Variants in ATP2B4 observed in about 807,000 individuals in gnomAD.
The protein encoded by ATP2B4 is ATPase plasma membrane Ca2+ transporting 4.
Under a neutral mutation model 110.3 loss-of-function variants are expected in ATP2B4, and 39 were observed. That is an observed-to-expected ratio of 0.35 (90% CI 0.27 to 0.46). The LOEUF (loss-of-function observed/expected upper bound fraction) is 0.46. ATP2B4 is among the 20% of genes least tolerant of loss of function. The probability of loss-of-function intolerance (pLI) is 1.00; values close to 1 mark genes in which losing one functional copy is unlikely to be tolerated. For missense variants in ATP2B4, 1,135 were observed against 1,530.9 expected (o/e 0.74, Z 4.32); for synonymous variants, 538 against 571.7 (o/e 0.94, Z 0.84).
chr1:203,714,122 G>A lies in ATP2B4; in HGVS notation c.2300-49G>A, dbSNP rs1461231715. 1.9e-6 allele frequency: 3 copies of A among 1,549,016 alleles called. No homozygotes were observed. In the South Asian group the frequency reaches 3.4e-5, roughly 17 times the overall value. On this transcript the variant is annotated intron_variant, in intron 14 of 20. Transcript: ENST00000357681. ...GGAGTGGCGGGTGGTAGGAACTGAA[G>A]GGTGGGGGAGACCAGAAAAGCTCAC...
In ATP2B4 at chr1:203,705,165, C is replaced by T. The variant is rs192748038; in HGVS notation, c.1099+1352C>T. 7.9e-5 allele frequency among the ~76,000 whole-genome samples: 12 copies of T among 152,352 alleles called. No individual in the cohort carries two copies. The East Asian group carries it at 2.3e-3, about 29-fold the overall frequency. On this transcript the variant is annotated intron_variant, in intron 8 of 20. Coordinates refer to ENST00000357681, the MANE Select transcript of ATP2B4 (RefSeq NM_001684.5). The stretch of plus-strand genomic sequence containing the variant: ...TAGTAGTGGCTGTCATATTGGACAG[C>T]ATAAATAGAGAACTTCTTAAGCGTC...
In ATP2B4 at chr1:203,702,051, A is replaced by AT. The variant is rs759258498; in HGVS notation, c.909_910insT (p.Gln304SerfsTer5). 8 of 1,614,020 alleles carry AT rather than the reference A, an allele frequency of 5.0e-6. No homozygotes were observed. ...TCTTTCTTGTTCAAACAGGTAAAAAACAAGGAGTCCCTGAAAATCGCAACA... is the reference window on the plus strand; with the variant it reads ...TCTTTCTTGTTCAAACAGGTAAAAAATCAAGGAGTCCCTGAAAATCGCAACA... On this transcript the variant is annotated frameshift_variant, in exon 7 of 21. Coordinates refer to ENST00000357681, the MANE Select transcript of ATP2B4 (RefSeq NM_001684.5). LOFTEE classifies it high-confidence loss of function.
intron 1 of ATP2B4, among the ~76,000 whole-genome samples, chr1:203,653,900 T>G (rs953908925): frequency 6.6e-6 from 1 of 151,308 alleles, no homozygotes; most frequent in African/African-American, 2.4e-5. Flanking sequence ...CTGCCTGTGA[T>G]CTATCAAAGA....
At chr1:203,667,275 G>A (rs1311982921) in intron 1 of ATP2B4, among the ~76,000 whole-genome samples, 1 of 152,118 alleles carries the variant, frequency 6.6e-6, no homozygotes, top group Admixed American at 6.6e-5. Flanking sequence ...TCCAAAGGGG[G>A]ACAGAAGCCC....
chr1:203,706,872 G>A, intron 8 of ATP2B4, 137 bp from the exon 9 acceptor site: 1 of 692,284 alleles, frequency 1.4e-6, no homozygotes, highest in Non-Finnish European at 2.4e-6. Context: ...AGAATGGGGG[G>A]GATTTTAGTA....
intron 1 of ATP2B4, among the ~76,000 whole-genome samples, chr1:203,681,615 G>A (rs1012606863): frequency 1.3e-5 from 2 of 152,074 alleles, no homozygotes; most frequent in Non-Finnish European, 2.9e-5. Context: ...AACTGAGAAG[G>A]GGCCTCAGGA....
At chr1:203,733,746 T>TAA in intron 20 of ATP2B4, 1 of 224,096 alleles carries the variant, frequency 4.5e-6, no homozygotes, top group Non-Finnish European at 8.7e-6. Flanking sequence ...GGATATGTTG[T>TAA]TGTTCCTCTC....
At chr1:203,669,858 A>T (rs1322851444) in intron 1 of ATP2B4, among the ~76,000 whole-genome samples, 1 of 152,176 alleles carries the variant, frequency 6.6e-6, no homozygotes, top group African/African-American at 2.4e-5. Context: ...TGAGGTTGGG[A>T]TAGAGAGGTG....
intron 2 of ATP2B4, among the ~76,000 whole-genome samples, chr1:203,684,727 C>A (rs1308365793): frequency 6.6e-6 from 1 of 152,122 alleles, no homozygotes; most frequent in Non-Finnish European, 1.5e-5. Flanking sequence ...AGGTATATAA[C>A]TGTACCCATC....
At chr1:203,698,047 C>T in intron 2 of ATP2B4, 110 bp from the exon 3 acceptor site, 3 of 886,890 alleles carry the variant, frequency 3.4e-6, no homozygotes, top group Admixed American at 2.2e-5. Context: ...CTCTCTGTTG[C>T]CCAGGCTAGA....
Position 203,698,299 on chromosome 1 carries a change from A to C in ATP2B4, c.336A>C (p.Ala112=). The C allele has an allele frequency of 6.2e-7, 1 of 1,614,146 alleles. No homozygotes were observed. The highest frequency in any genetic ancestry group is 8.5e-7 in the Non-Finnish European group (1 of 1,180,028). The change falls in exon 3 of 21, where the codon GCA becomes GCC. Residue 112 remains alanine, a synonymous_variant. Coordinates refer to ENST00000357681, the MANE Select transcript of ATP2B4 (RefSeq NM_001684.5). ...QDVTLIILEI[A]AIISLVLSFY... ...TCACGCTTATCATCCTGGAGATTGC[A>C]GCCATCATCTCCCTGGTCCTGTCCT... is the stretch of plus-strand genomic sequence containing the variant.
intron 1 of ATP2B4, among the ~76,000 whole-genome samples, chr1:203,631,430 G>A (rs536059428): frequency 1.2e-4 from 18 of 152,222 alleles, no homozygotes; most frequent in Non-Finnish European, 2.5e-4. Flanking sequence ...TTCACTTGGG[G>A]TGTGGCAAAG....
rs771598762 is a variant in ATP2B4, at chr1:203,740,175, C to T, written c.*321C>T. Reference sequence around the variant, plus strand: ...GCATCACCCCACCCCACATTCTCCCCGATGTTCCTCTCCTGAATTCTGGAT... The same window carrying T: ...GCATCACCCCACCCCACATTCTCCCTGATGTTCCTCTCCTGAATTCTGGAT... On this transcript the variant is annotated 3_prime_UTR_variant, in exon 21 of 21. Coordinates refer to ENST00000357681, the MANE Select transcript of ATP2B4 (RefSeq NM_001684.5). The T allele has an allele frequency of 1.4e-5, 4 of 279,228 alleles. No homozygotes were observed. The highest frequency in any genetic ancestry group is 2.1e-5 in the African/African-American group (1 of 46,526). The allele number at this position is 279,228 out of a possible 1,614,324, so 17.3% of individuals were successfully genotyped here. A position where few individuals can be genotyped will look rare whatever the true frequency, so the allele number is the denominator to read the frequency against.
intron 15 of ATP2B4, among the ~76,000 whole-genome samples, chr1:203,717,928 G>A (rs965958549): frequency 1.3e-5 from 2 of 152,068 alleles, no homozygotes; most frequent in African/African-American, 4.8e-5. Flanking sequence ...ACAGGGGTGA[G>A]CCACCGCGCC....
Position 203,739,923 on chromosome 1 carries a change from A to C in ATP2B4, c.*69A>C. On this transcript the variant is annotated 3_prime_UTR_variant, in exon 21 of 21. Transcript: ENST00000357681. ...TTTCGTCTATCCCATCTATGAGGTGATGATGGGACTTTTCATTGTCACGTC... is the reference window on the plus strand; with the variant it reads ...TTTCGTCTATCCCATCTATGAGGTGCTGATGGGACTTTTCATTGTCACGTC... 6.7e-7 allele frequency: 1 copy of C among 1,485,348 alleles called. No individual in the cohort carries two copies. Among genetic ancestry groups the C allele is most frequent in the Non-Finnish European group, 9.1e-7 (1 of 1,099,500 alleles). The allele number at this position is 1,485,348 out of a possible 1,614,324, so 92.0% of individuals were successfully genotyped here. A position where few individuals can be genotyped will look rare whatever the true frequency, so the allele number is the denominator to read the frequency against.
At chr1:203,716,094 T>A (rs1191849228) in intron 15 of ATP2B4, among the ~76,000 whole-genome samples, 1 of 144,854 alleles carries the variant, frequency 6.9e-6, no homozygotes, top group Non-Finnish European at 1.5e-5. Flanking sequence ...AGGATCTCTA[T>A]GTTGGGAGTC....
chr1:203,724,286 G>C (rs1666437286), intron 19 of ATP2B4, among the ~76,000 whole-genome samples: 1 of 152,100 alleles, frequency 6.6e-6, no homozygotes, highest in African/African-American at 2.4e-5. Flanking sequence ...GGGAGGCCGA[G>C]GCAGGCAGAT....
At chr1:203,676,088 C>T (rs1558028449) in intron 1 of ATP2B4, among the ~76,000 whole-genome samples, 1 of 152,154 alleles carries the variant, frequency 6.6e-6, no homozygotes, top group Non-Finnish European at 1.5e-5. Flanking sequence ...GCTTGGTGTG[C>T]CCGCCCTCAC....
intron 14 of ATP2B4, 134 bp from the exon 15 acceptor site, chr1:203,714,037 T>C: frequency 1.2e-6 from 1 of 802,598 alleles, no homozygotes; most frequent in South Asian, 1.6e-5. Flanking sequence ...CTTACTGCCC[T>C]TAGGTGGTTC....
Sources: allele counts gnomAD v4.1 joint callset (sites outside exome capture counted in the v4.1 genomes callset), GRCh38; gene constraint gnomAD v4.1.1; transcripts MANE v1.5; gene names NCBI Gene and HGNC (gene_info 2026-07-23, HGNC 2026-07-21).